Variants in FAR2 observed in about 807,000 individuals in gnomAD.
FAR2 encodes the protein epididymis secretory protein Li 81.
A neutral mutation model predicts 56.0 loss-of-function variants in FAR2; 19 were observed. That is an observed-to-expected ratio of 0.34 (90% CI 0.24 to 0.50). FAR2 has a LOEUF of 0.50. Among genes scored for constraint, FAR2 ranks in the 20% least tolerant of loss-of-function variants. The probability of loss-of-function intolerance (pLI) is 0.98; values close to 1 mark genes in which losing one functional copy is unlikely to be tolerated. For synonymous variants in FAR2, 219 were observed against 218.8 expected (o/e 1.00, Z -0.01); for missense variants, 508 against 642.2 (o/e 0.79, Z 2.26).
chr12:29,283,220 T>C (rs1302153534), intron 2 of FAR2, among the ~76,000 whole-genome samples: 1 of 152,216 alleles, frequency 6.6e-6, no homozygotes, highest in Non-Finnish European at 1.5e-5. Flanking sequence ...CCTTGTAATA[T>C]ATTGGTGCAA....
intron 1 of FAR2, among the ~76,000 whole-genome samples, chr12:29,185,093 T>A (rs1950027924): frequency 6.6e-6 from 1 of 152,252 alleles, no homozygotes; most frequent in African/African-American, 2.4e-5. Context: ...TATTTTTAAA[T>A]GTAATTTATT....
chr12:29,157,190 T>A (rs1196651758), intron 1 of FAR2, among the ~76,000 whole-genome samples: 1 of 142,006 alleles, frequency 7.0e-6, no homozygotes, highest in African/African-American at 2.6e-5. Context: ...GAAAATTGAT[T>A]AAACAATGTG....
intron 1 of FAR2, among the ~76,000 whole-genome samples, chr12:29,262,868 A>G (rs561442151): frequency 6.6e-6 from 1 of 152,278 alleles, no homozygotes; most frequent in Admixed American, 6.5e-5. Flanking sequence ...AATGGGTGAA[A>G]AAACAAGACC....
intron 1 of FAR2, among the ~76,000 whole-genome samples, chr12:29,188,476 A>T (rs1328935964): frequency 6.6e-6 from 1 of 151,994 alleles, no homozygotes; most frequent in Non-Finnish European, 1.5e-5. Flanking sequence ...GGATAATTTG[A>T]TAATTTGGGG....
intron 10 of FAR2, among the ~76,000 whole-genome samples, chr12:29,322,926 C>A (rs1949576595): frequency 6.6e-6 from 1 of 152,194 alleles, no homozygotes; most frequent in African/African-American, 2.4e-5. Flanking sequence ...ACGCACGGTG[C>A]ACTTCACCCA....
At chr12:29,157,846 T>G (rs1366375345) in intron 1 of FAR2, among the ~76,000 whole-genome samples, 2 of 152,204 alleles carry the variant, frequency 1.3e-5, no homozygotes, top group African/African-American at 4.8e-5. Context: ...TCCAGCAGAG[T>G]TAGATTCACC....
intron 1 of FAR2, among the ~76,000 whole-genome samples, chr12:29,183,803 T>G (rs1421900548): frequency 6.6e-6 from 1 of 152,232 alleles, no homozygotes; most frequent in Non-Finnish European, 1.5e-5. Flanking sequence ...ACTTTAACTT[T>G]TATTATCATT....
At chr12:29,201,753 C>G (rs750533106) in intron 1 of FAR2, among the ~76,000 whole-genome samples, 12 of 152,108 alleles carry the variant, frequency 7.9e-5, no homozygotes, top group Non-Finnish European at 1.2e-4. Context: ...CCACATGTCA[C>G]TATATAAAAT....
intron 1 of FAR2, chr12:29,172,180 G>A (rs1024689339): frequency 6.6e-6 from 1 of 150,900 alleles, no homozygotes; most frequent in Middle Eastern, 3.4e-3. Flanking sequence ...TCTGAGAAGG[G>A]AGGAGTGCCT....
At chr12:29,226,815 G>A (rs1174873483) in intron 1 of FAR2, among the ~76,000 whole-genome samples, 2 of 152,062 alleles carry the variant, frequency 1.3e-5, no homozygotes, top group African/African-American at 2.4e-5. Context: ...ATTACCCAAT[G>A]TTTACCAATG....
chr12:29,282,436 A>C (rs1445638014), intron 2 of FAR2: 1 of 152,204 alleles, frequency 6.6e-6, no homozygotes, highest in Admixed American at 6.5e-5. Flanking sequence ...AGTTTGACAC[A>C]AACAGAGTGA....
At chr12:29,228,865 G>A (rs1423438002) in intron 1 of FAR2, among the ~76,000 whole-genome samples, 3 of 152,214 alleles carry the variant, frequency 2.0e-5, no homozygotes, top group Admixed American at 6.5e-5. Context: ...TGGGATTACA[G>A]GCATGAGTTG....
chr12:29,210,904 C>T (rs1947538615), intron 1 of FAR2, among the ~76,000 whole-genome samples: 1 of 151,880 alleles, frequency 6.6e-6, no homozygotes, highest in African/African-American at 2.4e-5. Context: ...CAAGATTGTG[C>T]CACTGTACTG....
chr12:29,296,150 T>C (rs1306223101), intron 3 of FAR2, among the ~76,000 whole-genome samples: 3 of 152,140 alleles, frequency 2.0e-5, no homozygotes, highest in African/African-American at 7.2e-5. Flanking sequence ...CTGTTTTCCA[T>C]GTATGCAATT....
intron 1 of FAR2, among the ~76,000 whole-genome samples, chr12:29,235,966 T>A (rs2136657742): frequency 6.6e-6 from 1 of 152,308 alleles, no homozygotes; most frequent in East Asian, 1.9e-4. Flanking sequence ...GAATGAGTTC[T>A]GGTGTTCTAT....
chr12:29,311,475 T>C (rs1329675067), intron 7 of FAR2, among the ~76,000 whole-genome samples: 2 of 152,088 alleles, frequency 1.3e-5, no homozygotes, highest in Non-Finnish European at 2.9e-5. Context: ...GCTGATGAAA[T>C]GACAGAATTT....
At chr12:29,265,751 T>G (rs1026245754) in intron 1 of FAR2, among the ~76,000 whole-genome samples, 1 of 152,102 alleles carries the variant, frequency 6.6e-6, no homozygotes, top group Admixed American at 6.6e-5. Flanking sequence ...GAGAAAATAT[T>G]TGTAAACTAT....
intron 10 of FAR2, among the ~76,000 whole-genome samples, chr12:29,324,036 T>C (rs1319053348): frequency 2.0e-5 from 3 of 152,154 alleles, no homozygotes; most frequent in East Asian, 3.9e-4. Flanking sequence ...GAATACCCAA[T>C]GCAGACAAGT....
intron 2 of FAR2, chr12:29,277,410 T>C (rs1397651373): frequency 6.6e-6 from 1 of 152,188 alleles, no homozygotes; most frequent in East Asian, 1.9e-4. Context: ...ATATGACAAG[T>C]ATTTATTGAG....
Sources: gnomAD v4.1 joint callset for allele counts (sites outside exome capture counted in the v4.1 genomes callset) on GRCh38, gnomAD v4.1.1 for gene constraint, MANE v1.5 for transcripts, NCBI Gene and HGNC (gene_info 2026-07-23, HGNC 2026-07-21) for gene names.